The following NDUFS3 variants were observed in gnomAD, a reference collection of about 807,000 sequenced individuals.
The protein encoded by NDUFS3 is NADH dehydrogenase [ubiquinone] iron-sulfur protein 3, mitochondrial.
In NDUFS3, 19 loss-of-function variants were observed where a neutral mutation model predicts 30.8. The ratio of observed to expected loss-of-function variants is 0.62; its 90% CI spans 0.43 to 0.91. NDUFS3 has a LOEUF of 0.91. NDUFS3 is among the 40% of genes least tolerant of loss of function. The pLI, the probability that NDUFS3 is intolerant of heterozygous loss-of-function variation, is 0.00. For synonymous variants in NDUFS3, 153 were observed against 135.8 expected (o/e 1.13, Z -0.88); for missense variants, 331 against 342.0 (o/e 0.97, Z 0.25).
chr11:47,584,526 TTGAG>T lies in NDUFS3; in HGVS notation c.*48_*51del, dbSNP rs753014406. ...ATCCTAGACAGCGCCTTATCTATGATTGAGTGTCCGTGTAAATAAATTCCTACTT... is the reference window on the plus strand; with the variant it reads ...ATCCTAGACAGCGCCTTATCTATGATTGTCCGTGTAAATAAATTCCTACTT... On this transcript the variant is annotated 3_prime_UTR_variant, in exon 7 of 7. Coordinates refer to ENST00000263774, the MANE Select transcript of NDUFS3 (RefSeq NM_004551.3). 2.6e-5 allele frequency: 42 copies of T among 1,605,394 alleles called. No homozygotes were observed. The South Asian group carries it at 2.6e-4, about 10-fold the overall frequency.
chr11:47,579,181 G>A (rs1299602810), intron 1 of NDUFS3, 23 bp downstream of exon 1: 1 of 1,613,136 alleles, frequency 6.2e-7, no homozygotes, highest in Non-Finnish European at 8.5e-7. Flanking sequence ...AGCCAGCTGA[G>A]ACCGGGGTCA....
intron 6 of NDUFS3, among the ~76,000 whole-genome samples, chr11:47,583,068 G>C (rs1292134545): frequency 6.6e-6 from 1 of 152,030 alleles, no homozygotes; most frequent in African/African-American, 2.4e-5. Flanking sequence ...GTGTGTGTGT[G>C]TCAGGGTCTC....
intron 4 of NDUFS3, 48 bp from the exon 5 acceptor site, chr11:47,582,040 A>C: frequency 6.2e-7 from 1 of 1,610,238 alleles, no homozygotes. Context: ...GAACTCTCCC[A>C]ATCAGGGACT....
Position 47,584,395 on chromosome 11 carries a change from A to G in NDUFS3, c.709A>G (p.Ser237Gly). ...AQEFRKFDLN[S>G]PWEAFPVYRQ... ...AGAGTTCCGCAAATTTGACCTGAAC[A>G]GCCCCTGGGAGGCTTTCCCAGTCTA... The change falls in exon 7 of 7, where the codon AGC becomes GGC. Residue 237 changes from serine (S) to glycine (G), a missense_variant. Transcript: ENST00000263774. The G allele has an allele frequency of 6.2e-7, 1 of 1,614,180 alleles. No individual in the cohort carries two copies. Among genetic ancestry groups the G allele is most frequent in the Non-Finnish European group, 8.5e-7 (1 of 1,180,040 alleles).
rs756891016 is a variant in NDUFS3 at position 47,580,945 on chromosome 11, G to C, written c.342G>C (p.Leu114Phe). 6.2e-7 allele frequency: 1 copy of C among 1,614,238 alleles called. No homozygotes were observed. The highest frequency in any genetic ancestry group is 1.1e-5 in the South Asian group (1 of 91,086). ...TNAQFKSLVD[L>F]TAVDVPTRQN... ...CACAGTTCAAATCTCTGGTTGACTT[G>C]ACAGCAGTGGACGTCCCAACTCGGC... is the stretch of plus-strand genomic sequence containing the variant. The change falls in exon 4 of 7, where the codon TTG becomes TTC. Residue 114 changes from leucine (L) to phenylalanine (F), a missense_variant. Leu to Phe is a conservative substitution (Grantham distance 22). Transcript: ENST00000263774.
chr11:47,581,829 G>T, intron 4 of NDUFS3: 2 of 499,146 alleles, frequency 4.0e-6, no homozygotes, highest in Non-Finnish European at 7.3e-6. Flanking sequence ...TGTTTGTGCT[G>T]AATCTAAAAT....
At chr11:47,582,522 C>T in intron 6 of NDUFS3, 54 bp downstream of exon 6, 1 of 1,612,704 alleles carries the variant, frequency 6.2e-7, no homozygotes, top group Non-Finnish European at 8.5e-7. Flanking sequence ...GCAGAGAACC[C>T]AGGGGATCCC....
At chr11:47,579,366 A>T in intron 2 of NDUFS3, 32 bp downstream of exon 2, 1 of 1,611,988 alleles carries the variant, frequency 6.2e-7, no homozygotes, top group Non-Finnish European at 8.5e-7. Flanking sequence ...TCTTCTCTGA[A>T]CTATCGGCGG....
intron 4 of NDUFS3, chr11:47,581,490 G>A (rs1477201694): frequency 1.4e-5 from 3 of 217,004 alleles, no homozygotes; most frequent in East Asian, 1.2e-4. Context: ...TTTTCTTACC[G>A]GGAAAATAAA....
Position 47,580,937 on chromosome 11 carries a change from G to A in NDUFS3, c.334G>A (p.Val112Ile), listed in dbSNP as rs2097268514. Residue 112 changes from valine (V) to isoleucine (I), a missense_variant, in exon 4 of 7, where the codon GTT (valine) becomes ATT (isoleucine). Coordinates refer to ENST00000263774, the MANE Select transcript of NDUFS3 (RefSeq NM_004551.3). The part of the protein sequence containing the change: ...DHTNAQFKSL[V>I]DLTAVDVPTR... ...CACCAATGCACAGTTCAAATCTCTGGTTGACTTGACAGCAGTGGACGTCCC... is the reference window on the plus strand; with the variant it reads ...CACCAATGCACAGTTCAAATCTCTGATTGACTTGACAGCAGTGGACGTCCC... The A allele has an allele frequency of 2.5e-6, 4 of 1,614,076 alleles. No individual in the cohort carries two copies. The highest frequency in any genetic ancestry group is 3.4e-6 in the Non-Finnish European group (4 of 1,180,046).
At chr11:47,579,214 A>C in intron 1 of NDUFS3, 55 bp from the exon 2 acceptor site, 3 of 1,613,986 alleles carry the variant, frequency 1.9e-6, no homozygotes, top group Non-Finnish European at 2.5e-6. Flanking sequence ...TGCCCAGTGC[A>C]GAGAGCTCCT....
rs773822817 is a variant in NDUFS3, at chr11:47,582,379, AACCACCCTG to A, written c.540_548del (p.His181_Asp183del). ...GGACATGTTTGGAGTCTTCTTTGCT[AACCACCCTG>A]ATCTAAGAAGGATCCTGACAGATTA... On this transcript the variant is annotated inframe_deletion, in exon 6 of 7. Transcript: ENST00000263774. 1 of 1,614,194 alleles carries A rather than the reference AACCACCCTG, an allele frequency of 6.2e-7. No individual in the cohort carries two copies. Among genetic ancestry groups the A allele is most frequent in the Non-Finnish European group, 8.5e-7 (1 of 1,180,026 alleles).
At chr11:47,579,490 C>A (rs1034776792) in intron 2 of NDUFS3, 156 bp downstream of exon 2, 1 of 890,758 alleles carries the variant, frequency 1.1e-6, no homozygotes, top group Non-Finnish European at 1.8e-6. Flanking sequence ...CGAGCCCTCC[C>A]TGTGCCCTTA....
rs1270705008 is a variant in NDUFS3 at position 47,584,434 on chromosome 11, G to A, written c.748G>A (p.Glu250Lys). The A allele has an allele frequency of 1.2e-6, 2 of 1,614,120 alleles. No individual in the cohort carries two copies. Among genetic ancestry groups the A allele is most frequent in the Middle Eastern group, 1.6e-4 (1 of 6,062 alleles). ...TTTCCCAGTCTATCGCCAACCCCCGGAGAGTCTCAAGCTTGAAGCCGGAGA... is the reference window on the plus strand; with the variant it reads ...TTTCCCAGTCTATCGCCAACCCCCGAAGAGTCTCAAGCTTGAAGCCGGAGA... ...EAFPVYRQPPESLKLEAGDKK... is the reference protein window; with the variant it reads ...EAFPVYRQPPKSLKLEAGDKK... Residue 250 changes from glutamate to lysine, a missense_variant, in exon 7 of 7, where the codon GAG becomes AAG. Coordinates refer to ENST00000263774, the MANE Select transcript of NDUFS3 (RefSeq NM_004551.3).
intron 6 of NDUFS3, 40 bp from the exon 7 acceptor site, chr11:47,584,274 G>A: frequency 6.2e-7 from 1 of 1,613,252 alleles, no homozygotes; most frequent in Non-Finnish European, 8.5e-7. Context: ...GCTATAATAA[G>A]GACTTCCTTA....
intron 6 of NDUFS3, 59 bp from the exon 7 acceptor site, chr11:47,584,255 T>G (rs2097270070): frequency 6.2e-6 from 10 of 1,609,918 alleles, no homozygotes; most frequent in Non-Finnish European, 8.5e-6. Flanking sequence ...AAAAGTAGGC[T>G]CCTGTGTAGC....
chr11:47,583,146 T>C (rs1215668358), intron 6 of NDUFS3, among the ~76,000 whole-genome samples: 1 of 151,542 alleles, frequency 6.6e-6, no homozygotes, highest in African/African-American at 2.4e-5. Flanking sequence ...CCGCCCAGGC[T>C]CAAGTAATCC....
intron 1 of NDUFS3, 43 bp downstream of exon 1, chr11:47,579,201 G>C: frequency 6.2e-7 from 1 of 1,613,834 alleles, no homozygotes; most frequent in East Asian, 2.2e-5. Flanking sequence ...AGGCGCAGCG[G>C]CGTGCCCAGT....
chr11:47,584,512 C>T lies in NDUFS3; in HGVS notation c.*31C>T, dbSNP rs755703804. On this transcript the variant is annotated 3_prime_UTR_variant, in exon 7 of 7. Coordinates refer to ENST00000263774, the MANE Select transcript of NDUFS3 (RefSeq NM_004551.3). ...GGGAACGCATGTGGATCCTAGACAG[C>T]GCCTTATCTATGATTGAGTGTCCGT... 1.1e-5 allele frequency: 17 copies of T among 1,611,394 alleles called. No homozygotes were observed. Among genetic ancestry groups the T allele is most frequent in the East Asian group, 4.5e-5 (2 of 44,876 alleles).
Sources: allele counts gnomAD v4.1 joint callset (sites outside exome capture counted in the v4.1 genomes callset), GRCh38; gene constraint gnomAD v4.1.1; transcripts MANE v1.5; gene names NCBI Gene and HGNC (gene_info 2026-07-23, HGNC 2026-07-21).